Variants in PRR33 observed in about 807,000 individuals in gnomAD.
The protein encoded by PRR33 is proline-rich protein 33.
In PRR33, 1 loss-of-function variant was observed where a neutral mutation model predicts 0.5. That is an observed-to-expected ratio of 2.18 (90% CI 0.77 to 10.34). The LOEUF (loss-of-function observed/expected upper bound fraction) is 10.34, where lower values mean the gene tolerates loss of function less well. Among genes scored for constraint, PRR33 ranks in the 30% most tolerant of loss-of-function variants. The pLI is 0.13. For synonymous variants in PRR33, 226 were observed against 110.0 expected, an observed-to-expected ratio of 2.06 and a Z score of -6.60; for missense variants, 552 against 251.8, an observed-to-expected ratio of 2.19 and a Z score of -8.07.
chr11:1,889,651 G>A (rs547751443), exon 1 of PRR33: 1 of 628,848 alleles, frequency 1.6e-6, no homozygotes, highest in African/African-American at 1.8e-5. Flanking sequence ...GCCCAGGCAG[G>A]GCTGGACACT....
upstream of PRR33, among the ~76,000 whole-genome samples, chr11:1,893,445 C>CTGGATGGATGGA (rs573701664): frequency 5.8e-4 from 82 of 141,224 alleles, no homozygotes; most frequent in Non-Finnish European, 4.7e-4. Flanking sequence ...GGCTGGCTGG[C>CTGGATGGATGGA]TGGCTGGATG....
At chr11:1,889,327 G>A (rs1201000659) in exon 1 of PRR33, 1 of 710,266 alleles carries the variant, frequency 1.4e-6, no homozygotes, top group East Asian at 2.7e-5. Flanking sequence ...CCACCGCTGG[G>A]CCCTGCCAGG....
exon 1 of PRR33, chr11:1,889,290 C>T (rs1382961147): frequency 1.1e-5 from 8 of 697,198 alleles, no homozygotes; most frequent in Admixed American, 6.3e-5. Context: ...GAAGGGCAGG[C>T]GGGTGAGGCT....
the PRR33 span, among the ~76,000 whole-genome samples, chr11:1,914,912 C>CTG: frequency 8.3e-6 from 1 of 120,154 alleles, no homozygotes; most frequent in African/African-American, 3.3e-5. Flanking sequence ...TGATGTTGCT[C>CTG]TGTGTGTGTC....
At chr11:1,912,653 G>A in the PRR33 span, among the ~76,000 whole-genome samples, 1 of 152,214 alleles carries the variant, frequency 6.6e-6, no homozygotes, top group Admixed American at 6.5e-5. Context: ...CGCCCAGGCT[G>A]GAGCGCAGTG....
chr11:1,894,077 T>TGTGA (rs1491211173), upstream of PRR33, among the ~76,000 whole-genome samples: 182 of 3,948 alleles, frequency 0.046, 2 homozygotes, highest in East Asian at 0.33. Flanking sequence ...TGTGTGTGTG[T>TGTGA]GATAGGGCCT....
exon 1 of PRR33, chr11:1,889,017 G>C (rs1848870497): frequency 1.8e-6 from 1 of 566,098 alleles, no homozygotes; most frequent in African/African-American, 2.0e-5. Flanking sequence ...TTCCCAGGCT[G>C]CCCTGCACCC....
the PRR33 span, chr11:1,907,869 C>T: frequency 6.6e-6 from 1 of 152,194 alleles, no homozygotes; most frequent in Admixed American, 6.6e-5. Context: ...TATGAAATAT[C>T]CCCGCCAGAC....
chr11:1,894,230 T>TGG (rs1849099730), upstream of PRR33, among the ~76,000 whole-genome samples: 1 of 143,936 alleles, frequency 6.9e-6, no homozygotes, highest in Non-Finnish European at 1.5e-5. Flanking sequence ...TGGGAGTGTG[T>TGG]GTGTGTGTGT....
chr11:1,905,032 C>T, the PRR33 span, among the ~76,000 whole-genome samples: 1 of 151,398 alleles, frequency 6.6e-6, no homozygotes, highest in African/African-American at 2.4e-5. Context: ...TTGATGTTTA[C>T]TATTTCCTTT....
At chr11:1,903,681 G>A in the PRR33 span, among the ~76,000 whole-genome samples, 3 of 152,126 alleles carry the variant, frequency 2.0e-5, no homozygotes, top group African/African-American at 7.2e-5. Context: ...GACCTAACAC[G>A]TACGGACATA....
chr11:1,897,439 A>G, the PRR33 span, among the ~76,000 whole-genome samples: 1 of 152,138 alleles, frequency 6.6e-6, no homozygotes, highest in Non-Finnish European at 1.5e-5. This position sits in a 1 kb window ranked among gnomAD's most constrained non-coding sequence, Gnocchi z 4.0. Context: ...CTGGAATTTC[A>G]TGTGCTCAGA....
chr11:1,889,251 T>C, exon 1 of PRR33: 1 of 676,666 alleles, frequency 1.5e-6, no homozygotes, highest in Non-Finnish European at 2.7e-6. Flanking sequence ...CTCCTGCAGC[T>C]TCCGGGCGTT....
the PRR33 span, among the ~76,000 whole-genome samples, chr11:1,914,936 T>G: frequency 7.0e-6 from 1 of 142,230 alleles, no homozygotes. Context: ...GTGTGTGTTG[T>G]GAGGTCACAC....
exon 1 of PRR33, among the ~76,000 whole-genome samples, chr11:1,888,336 G>A (rs1046121365): frequency 6.6e-6 from 1 of 152,064 alleles, no homozygotes; most frequent in East Asian, 1.9e-4. Flanking sequence ...TCTCTGTCCC[G>A]CTTGGCCAAG....
the PRR33 span, chr11:1,903,305 G>A: frequency 3.3e-5 from 5 of 149,408 alleles, no homozygotes; most frequent in Non-Finnish European, 7.4e-5. Context: ...TAGAGATAGT[G>A]GGGAGCTGTG....
At chr11:1,908,757 A>T in the PRR33 span, among the ~76,000 whole-genome samples, 47 of 152,128 alleles carry the variant, frequency 3.1e-4, no homozygotes, top group Non-Finnish European at 5.4e-4. Context: ...TCCAGAACTT[A>T]TACGTCTCAT....
chr11:1,916,971 A>G, the PRR33 span, among the ~76,000 whole-genome samples: 2 of 152,220 alleles, frequency 1.3e-5, no homozygotes, highest in African/African-American at 4.8e-5. Context: ...CAGCCACCAG[A>G]CACCCTGTGA....
chr11:1,905,837 G>T, the PRR33 span, among the ~76,000 whole-genome samples: 12 of 151,824 alleles, frequency 7.9e-5, no homozygotes, highest in Non-Finnish European at 1.5e-4. Context: ...CTTTTTGTGG[G>T]GGGGACAGGG....
Sources: allele counts gnomAD v4.1 joint callset (sites outside exome capture counted in the v4.1 genomes callset), GRCh38; gene constraint gnomAD v4.1.1; non-coding constraint Gnocchi (gnomAD v3.1); transcripts MANE v1.5; gene names NCBI Gene and HGNC (gene_info 2026-07-23, HGNC 2026-07-21).